The following CCDC178 variants were observed in gnomAD, a reference collection of about 807,000 sequenced individuals.
CCDC178 encodes coiled-coil domain containing 178.
CCDC178 carries 126 observed loss-of-function variants against 117.4 expected under a neutral mutation model. That is an observed-to-expected ratio of 1.07 (90% CI 0.93 to 1.24). The LOEUF (loss-of-function observed/expected upper bound fraction) is 1.24, where lower values mean the gene tolerates loss of function less well. Among genes scored for constraint, CCDC178 ranks in the 50% most tolerant of loss-of-function variants. The pLI is 0.00. For missense variants in CCDC178, 1,030 were observed against 986.9 expected (o/e 1.04, Z -0.59); for synonymous variants, 283 against 313.4 (o/e 0.90, Z 1.02).
intron 22 of CCDC178, among the ~76,000 whole-genome samples, chr18:32,946,892 G>C (rs1051177764): frequency 6.6e-6 from 1 of 151,590 alleles, no homozygotes; most frequent in African/African-American, 2.4e-5. Context: ...CCATTCTCCT[G>C]TCTTAGCCTC....
chr18:32,985,506 C>A (rs956218406), intron 21 of CCDC178, among the ~76,000 whole-genome samples: 4 of 151,900 alleles, frequency 2.6e-5, no homozygotes, highest in African/African-American at 9.7e-5. Context: ...AAAAGTAGTG[C>A]AAATTGTCAC....
intron 20 of CCDC178, among the ~76,000 whole-genome samples, chr18:33,098,835 A>T (rs1041990091): frequency 2.0e-5 from 3 of 152,006 alleles, no homozygotes; most frequent in African/African-American, 7.2e-5. Flanking sequence ...TAAAAAAAGG[A>T]TAAGATATAA....
intron 20 of CCDC178, among the ~76,000 whole-genome samples, chr18:33,127,838 C>G (rs964666311): frequency 3.3e-5 from 5 of 152,144 alleles, no homozygotes; most frequent in African/African-American, 1.2e-4. Context: ...ACAACCCTAT[C>G]TGCTTCAAAG....
At chr18:33,000,313 T>A (rs1461821084) in intron 21 of CCDC178, among the ~76,000 whole-genome samples, 2 of 150,726 alleles carry the variant, frequency 1.3e-5, no homozygotes, top group African/African-American at 4.9e-5. Context: ...AAAAAATAAT[T>A]AAAAAAAATA....
At chr18:33,426,618 TCTAA>T (rs1387076636) in intron 2 of CCDC178, among the ~76,000 whole-genome samples, 1 of 152,228 alleles carries the variant, frequency 6.6e-6, no homozygotes, top group African/African-American at 2.4e-5. Flanking sequence ...TCCTTAGGTC[TCTAA>T]CTAATATAAA....
intron 15 of CCDC178, among the ~76,000 whole-genome samples, chr18:33,236,107 C>T (rs530252861): frequency 1.3e-5 from 2 of 152,262 alleles, no homozygotes; most frequent in African/African-American, 2.4e-5. Context: ...ATAAATTCTA[C>T]CTCTAGAGTT....
intron 21 of CCDC178, among the ~76,000 whole-genome samples, chr18:33,076,753 A>G (rs2057214960): frequency 6.6e-6 from 1 of 152,102 alleles, no homozygotes; most frequent in African/African-American, 2.4e-5. Context: ...CAGAATATCA[A>G]TCTCAGTATC....
At chr18:32,994,520 T>C (rs1393056865) in intron 21 of CCDC178, among the ~76,000 whole-genome samples, 4 of 152,180 alleles carry the variant, frequency 2.6e-5, no homozygotes, top group Non-Finnish European at 4.4e-5. Context: ...GCCTTTGAAA[T>C]GAAGATACCC....
chr18:33,424,188 A>C (rs1333745576), intron 2 of CCDC178, among the ~76,000 whole-genome samples: 1 of 152,186 alleles, frequency 6.6e-6, no homozygotes, highest in Non-Finnish European at 1.5e-5. Context: ...TCTATAGCTT[A>C]GCTGATTCAC....
At chr18:33,109,984 C>T (rs2057759720) in intron 20 of CCDC178, among the ~76,000 whole-genome samples, 1 of 151,350 alleles carries the variant, frequency 6.6e-6, no homozygotes, top group Non-Finnish European at 1.5e-5. Context: ...ATATGTTCAG[C>T]TCTAGTTGAT....
chr18:33,404,250 T>A (rs2063751132), intron 3 of CCDC178, among the ~76,000 whole-genome samples: 1 of 152,066 alleles, frequency 6.6e-6, no homozygotes, highest in Non-Finnish European at 1.5e-5. Context: ...TACACAACAC[T>A]AATGCAAGAT....
At chr18:32,988,437 A>G (rs1054498162) in intron 21 of CCDC178, among the ~76,000 whole-genome samples, 1 of 152,166 alleles carries the variant, frequency 6.6e-6, no homozygotes, top group African/African-American at 2.4e-5. Flanking sequence ...CTCCATCTCA[A>G]CAATAAATAA....
chr18:33,440,217 G>A (rs1164641702), intron 1 of CCDC178, 136 bp from the exon 2 acceptor site: 1 of 150,846 alleles, frequency 6.6e-6, no homozygotes, highest in African/African-American at 2.4e-5. Flanking sequence ...TAGAGACGCA[G>A]TTACAGACAA....
intron 20 of CCDC178, among the ~76,000 whole-genome samples, chr18:33,134,661 C>T (rs188306355): frequency 2.6e-5 from 4 of 152,096 alleles, no homozygotes; most frequent in East Asian, 1.9e-4. Context: ...CCCTTTGTTT[C>T]GCCCATCCCA....
intron 20 of CCDC178, among the ~76,000 whole-genome samples, chr18:33,149,113 A>T (rs1417422154): frequency 6.6e-6 from 1 of 152,220 alleles, no homozygotes; most frequent in Non-Finnish European, 1.5e-5. Flanking sequence ...AATCACCAAG[A>T]TGAAAACAAC....
intron 15 of CCDC178, among the ~76,000 whole-genome samples, chr18:33,235,453 C>T (rs1271593836): frequency 6.6e-6 from 1 of 152,080 alleles, no homozygotes; most frequent in Non-Finnish European, 1.5e-5. Flanking sequence ...CCCTTTACTC[C>T]CAAAATGAAT....
chr18:33,409,740 A>T (rs777338520), intron 3 of CCDC178, among the ~76,000 whole-genome samples: 5 of 152,172 alleles, frequency 3.3e-5, no homozygotes, highest in Non-Finnish European at 7.3e-5. Context: ...TCTTACATAC[A>T]GAATAGGAAA....
intron 8 of CCDC178, among the ~76,000 whole-genome samples, chr18:33,348,413 T>C (rs904585069): frequency 6.6e-6 from 1 of 151,954 alleles, no homozygotes; most frequent in Non-Finnish European, 1.5e-5. Flanking sequence ...AAATATATAC[T>C]AGAACTGCAA....
intron 4 of CCDC178, among the ~76,000 whole-genome samples, chr18:33,391,556 G>A (rs1228300883): frequency 1.3e-5 from 2 of 152,090 alleles, no homozygotes; most frequent in Admixed American, 1.3e-4. Flanking sequence ...AGTTTAATAA[G>A]TAGAAACTAG....
Sources: gnomAD v4.1 joint callset for allele counts (sites outside exome capture counted in the v4.1 genomes callset) on GRCh38, gnomAD v4.1.1 for gene constraint, MANE v1.5 for transcripts, NCBI Gene and HGNC (gene_info 2026-07-23, HGNC 2026-07-21) for gene names.